The following CSMD1 variants were observed in gnomAD, a reference collection of about 807,000 sequenced individuals.
CSMD1 encodes CUB and sushi domain-containing protein 1.
Under a neutral mutation model 417.5 loss-of-function variants are expected in CSMD1, and 213 were observed. The observed-to-expected ratio is 0.51, with a 90% CI of 0.46 to 0.57. CSMD1 has a LOEUF of 0.57. CSMD1 is among the 20% of genes least tolerant of loss of function. CSMD1 has a pLI of 0.00. For synonymous variants in CSMD1, 2,862 were observed against 1,736.8 expected (o/e 1.65, Z -16.11); for missense variants, 6,923 against 4,529.7 (o/e 1.53, Z -15.17).
intron 1 of CSMD1, among the ~76,000 whole-genome samples, chr8:4,793,430 G>A (rs1300112006): frequency 6.6e-6 from 1 of 151,646 alleles, no homozygotes; most frequent in Non-Finnish European, 1.5e-5. Flanking sequence ...TCCTCCCCCA[G>A]CTCTTTATCA....
intron 1 of CSMD1, among the ~76,000 whole-genome samples, chr8:4,944,440 T>C (rs1190753523): frequency 1.3e-5 from 2 of 152,206 alleles, no homozygotes; most frequent in African/African-American, 4.8e-5. Context: ...GATATAATTT[T>C]CATTCTTTCT....
intron 2 of CSMD1, among the ~76,000 whole-genome samples, chr8:4,451,144 A>C (rs540111787): frequency 3.0e-4 from 46 of 151,778 alleles, no homozygotes; most frequent in Admixed American, 1.0e-3. Flanking sequence ...CCTGGGCAAC[A>C]CAGTAAGACC....
At chr8:4,041,612 G>T (rs998397467) in intron 3 of CSMD1, among the ~76,000 whole-genome samples, 5 of 151,912 alleles carry the variant, frequency 3.3e-5, no homozygotes, top group Admixed American at 2.6e-4. Flanking sequence ...TAATAAGCAC[G>T]CAAAAAAGTA....
At chr8:4,440,290 A>T (rs1798392373) in intron 2 of CSMD1, among the ~76,000 whole-genome samples, 1 of 152,210 alleles carries the variant, frequency 6.6e-6, no homozygotes, top group African/African-American at 2.4e-5. Flanking sequence ...TTGGTACTAT[A>T]ACCAGAAAAA....
intron 1 of CSMD1, among the ~76,000 whole-genome samples, chr8:4,646,205 G>T (rs1803506473): frequency 6.6e-6 from 1 of 152,148 alleles, no homozygotes; most frequent in Non-Finnish European, 1.5e-5. Flanking sequence ...CTTCCTCTAT[G>T]CATGGTAGAA....
At chr8:4,549,700 G>A (rs1437331614) in intron 2 of CSMD1, among the ~76,000 whole-genome samples, 1 of 151,752 alleles carries the variant, frequency 6.6e-6, no homozygotes, top group East Asian at 1.9e-4. Context: ...ACCAGCCTGG[G>A]CAACATGGCA....
chr8:2,959,419 C>T (rs1007210991), intron 62 of CSMD1, among the ~76,000 whole-genome samples: 5 of 152,286 alleles, frequency 3.3e-5, no homozygotes, highest in South Asian at 4.1e-4. Context: ...CTATCAGGAA[C>T]GGTGTCCATC....
intron 5 of CSMD1, among the ~76,000 whole-genome samples, chr8:3,925,555 G>C (rs965115274): frequency 2.0e-5 from 3 of 152,186 alleles, no homozygotes; most frequent in Non-Finnish European, 4.4e-5. Context: ...TTGTGAGAGG[G>C]ACCCACGGTG....
At chr8:3,792,177 C>G (rs1423930333) in intron 5 of CSMD1, among the ~76,000 whole-genome samples, 1 of 151,938 alleles carries the variant, frequency 6.6e-6, no homozygotes, top group Non-Finnish European at 1.5e-5. Context: ...ACGTGTAGTC[C>G]CAGCTACAGG....
chr8:4,637,321 T>C (rs1397227839), intron 2 of CSMD1, 21 bp downstream of exon 2: 2 of 1,534,580 alleles, frequency 1.3e-6, no homozygotes, highest in Non-Finnish European at 1.8e-6. Context: ...CTAACTGTAA[T>C]ATAAAAAGTT....
intron 3 of CSMD1, among the ~76,000 whole-genome samples, chr8:4,122,711 C>A (rs1010284672): frequency 3.9e-5 from 6 of 152,134 alleles, no homozygotes; most frequent in African/African-American, 1.4e-4. Flanking sequence ...ATGCTGTAAC[C>A]CAGGATTTTT....
intron 1 of CSMD1, among the ~76,000 whole-genome samples, chr8:4,678,702 G>A (rs578203246): frequency 6.6e-6 from 1 of 152,234 alleles, no homozygotes; most frequent in South Asian, 2.1e-4. Flanking sequence ...AGATAAAAAT[G>A]TCTTCAAGGA....
chr8:3,547,811 T>C (rs1437982466), intron 10 of CSMD1, among the ~76,000 whole-genome samples: 1 of 152,122 alleles, frequency 6.6e-6, no homozygotes, highest in Non-Finnish European at 1.5e-5. Context: ...GAAAATAAAA[T>C]GATTAAAGAC....
At chr8:4,250,013 G>A (rs1802956546) in intron 3 of CSMD1, among the ~76,000 whole-genome samples, 1 of 152,100 alleles carries the variant, frequency 6.6e-6, no homozygotes, top group Non-Finnish European at 1.5e-5. Context: ...TAGGTCATAA[G>A]GGCTCTGTAC....
In CSMD1 at chr8:3,175,468, TTC is replaced by T. The variant is rs1469958260; in HGVS notation, c.5725+5640_5725+5641del. Among the ~76,000 whole-genome samples the T allele has an allele frequency of 3.5e-4, 14 of 39,878 alleles. 1 individual carries two copies. Among genetic ancestry groups the T allele is most frequent in the South Asian group, 2.0e-3 (2 of 996 alleles). The allele number at this position is 39,878 out of a possible 152,430, so 26.2% of individuals were successfully genotyped here. A position where few individuals can be genotyped will look rare whatever the true frequency, so the allele number is the denominator to read the frequency against. On this transcript the variant is annotated intron_variant, in intron 37 of 69. Coordinates refer to ENST00000635120, the MANE Select transcript of CSMD1 (RefSeq NM_033225.6). Reference sequence around the variant, plus strand: ...CTCCCTCCCTTCCTTCTTTCCTTCCTTCTTTTCCCTTCCTTCCTGCCTGCCTG... The same window carrying T: ...CTCCCTCCCTTCCTTCTTTCCTTCCTTTTTCCCTTCCTTCCTGCCTGCCTG...
chr8:3,641,434 A>G (rs1797304488), intron 7 of CSMD1, among the ~76,000 whole-genome samples: 1 of 152,220 alleles, frequency 6.6e-6, no homozygotes, highest in South Asian at 2.1e-4. Flanking sequence ...CTTATAACCC[A>G]CATCACTCCT....
chr8:4,756,739 T>C (rs1262007946), intron 1 of CSMD1, among the ~76,000 whole-genome samples: 3 of 152,168 alleles, frequency 2.0e-5, no homozygotes, highest in Non-Finnish European at 2.9e-5. Context: ...AGGAAACAGG[T>C]AAAATAAATG....
intron 2 of CSMD1, among the ~76,000 whole-genome samples, chr8:4,478,682 T>A (rs1160516576): frequency 6.6e-6 from 1 of 152,222 alleles, no homozygotes; most frequent in African/African-American, 2.4e-5. Context: ...ATGGCCATGG[T>A]GCATGTTAAC....
chr8:3,377,426 T>A (rs1020046381), intron 18 of CSMD1, among the ~76,000 whole-genome samples: 1 of 152,214 alleles, frequency 6.6e-6, no homozygotes, highest in African/African-American at 2.4e-5. Context: ...TTACATACAT[T>A]TATATCGACA....
Sources: allele counts gnomAD v4.1 joint callset (sites outside exome capture counted in the v4.1 genomes callset), GRCh38; gene constraint gnomAD v4.1.1; transcripts MANE v1.5; gene names NCBI Gene and HGNC (gene_info 2026-07-23, HGNC 2026-07-21).